SLC41A2: variants seen among roughly 807,000 people sequenced by gnomAD.
The protein encoded by SLC41A2 is SLC41A1-like 1.
A neutral mutation model predicts 58.3 loss-of-function variants in SLC41A2; 32 were observed. The ratio of observed to expected loss-of-function variants is 0.55; its 90% CI spans 0.41 to 0.74. The LOEUF (loss-of-function observed/expected upper bound fraction) is 0.74, where lower values mean the gene tolerates loss of function less well. Among genes scored for constraint, SLC41A2 ranks in the 30% least tolerant of loss-of-function variants. The pLI is 0.00. For missense variants in SLC41A2, 514 were observed against 680.6 expected (o/e 0.76, Z 2.72); for synonymous variants, 190 against 235.0 (o/e 0.81, Z 1.75).
chr12:104,918,292 CT>C (rs2046423901), intron 2 of SLC41A2, among the ~76,000 whole-genome samples: 1 of 152,014 alleles, frequency 6.6e-6, no homozygotes, highest in South Asian at 2.1e-4. Context: ...TTCTAGGAAT[CT>C]GACCTATAAA....
In SLC41A2 at chr12:104,893,448, G is replaced by A. The variant is rs578253409; in HGVS notation, c.735+1826C>T. Among the ~76,000 whole-genome samples the A allele has an allele frequency of 6.5e-4, 99 of 152,308 alleles. No individual in the cohort carries two copies. The South Asian group carries it at 0.014, about 21-fold the overall frequency. Reference sequence around the variant, plus strand: ...AAGCACTATGGGGAACAGTTCGGAAGTTCCTCAAAAAACTAAAAATACAGC... The same window carrying A: ...AAGCACTATGGGGAACAGTTCGGAAATTCCTCAAAAAACTAAAAATACAGC... On this transcript the variant is annotated intron_variant, in intron 4 of 10. Transcript: ENST00000258538.
intron 10 of SLC41A2, among the ~76,000 whole-genome samples, chr12:104,811,597 T>A (rs2041177041): frequency 1.3e-5 from 2 of 152,232 alleles, no homozygotes; most frequent in South Asian, 4.1e-4. Flanking sequence ...GATGCATTTT[T>A]ATTTATTTTG....
intron 10 of SLC41A2, among the ~76,000 whole-genome samples, chr12:104,810,689 G>T (rs1372031599): frequency 6.6e-6 from 1 of 152,124 alleles, no homozygotes; most frequent in Admixed American, 6.5e-5. Context: ...AAGTAGGTAG[G>T]TTTACTATTC....
At chr12:104,949,352 T>C (rs187657618) in intron 1 of SLC41A2, among the ~76,000 whole-genome samples, 1 of 152,238 alleles carries the variant, frequency 6.6e-6, no homozygotes, top group Admixed American at 6.5e-5. Flanking sequence ...GGAACACTTA[T>C]AACTTTAGTA....
chr12:104,835,452 G>T (rs184139552), intron 10 of SLC41A2, among the ~76,000 whole-genome samples: 231 of 152,214 alleles, frequency 1.5e-3, no homozygotes, highest in Middle Eastern at 0.01. Flanking sequence ...GGAAATTTCT[G>T]GCTGTTTTCC....
At chr12:104,811,790 A>G (rs1041848536) in intron 10 of SLC41A2, among the ~76,000 whole-genome samples, 1 of 152,230 alleles carries the variant, frequency 6.6e-6, no homozygotes, top group African/African-American at 2.4e-5. Context: ...GGGACACATG[A>G]GAAAAGAAGT....
At position 104,853,911 on chromosome 12, in the gene SLC41A2, ATTTTTT is replaced by A. The variant is rs1555202443; in HGVS notation, c.1255+7374_1255+7379del. On this transcript the variant is annotated intron_variant, in intron 8 of 10. Transcript: ENST00000258538. ...GGGTGCATGTCACCATGCCTGGCTG[ATTTTTT>A]TTTTTTTTTTTTTTTTTTTTTTAGT... Among the ~76,000 whole-genome samples the A allele has an allele frequency of 5.0e-5, 3 of 59,494 alleles. 1 individual carries two copies. The highest frequency in any genetic ancestry group is 6.9e-5 in the African/African-American group (1 of 14,456). The allele number at this position is 59,494 out of a possible 152,430, so 39.0% of individuals were successfully genotyped here.
intron 10 of SLC41A2, among the ~76,000 whole-genome samples, chr12:104,822,842 T>C (rs1329320248): frequency 6.6e-6 from 1 of 152,026 alleles, no homozygotes; most frequent in Non-Finnish European, 1.5e-5. Context: ...CTGAACTCCT[T>C]TGACATAAAA....
Position 104,886,301 on chromosome 12 carries a change from G to C in SLC41A2, c.1019C>G (p.Ser340Cys). 6.2e-7 allele frequency: 1 copy of C among 1,612,864 alleles called. No homozygotes were observed. Among genetic ancestry groups the C allele is most frequent in the Non-Finnish European group, 8.5e-7 (1 of 1,179,370 alleles). ...ILAWISQGLY[S>C]CLETYYYISP... ...GTTTTAAATCAACTTACCAAGACAGGAGTATAAGCCCTGACTTATCCAAGC... is the reference window on the plus strand; with the variant it reads ...GTTTTAAATCAACTTACCAAGACAGCAGTATAAGCCCTGACTTATCCAAGC... Residue 340 changes from serine to cysteine, a missense_variant, in exon 6 of 11, where the codon TCC becomes TGC. Around this residue, in one of 3 missense-constraint regions of SLC41A2, gnomAD observed 336 missense variants for 430.0 expected, o/e 0.78. Coordinates refer to ENST00000258538, the MANE Select transcript of SLC41A2 (RefSeq NM_001352171.3).
intron 1 of SLC41A2, among the ~76,000 whole-genome samples, chr12:104,948,577 A>G (rs2047823566): frequency 6.6e-6 from 1 of 152,190 alleles, no homozygotes; most frequent in South Asian, 2.1e-4. Flanking sequence ...GAGGTTAAAT[A>G]ATATGCCCAA....
intron 10 of SLC41A2, among the ~76,000 whole-genome samples, chr12:104,823,976 G>A (rs1447887187): frequency 6.6e-6 from 1 of 152,090 alleles, no homozygotes; most frequent in African/African-American, 2.4e-5. Context: ...CTTCACTATA[G>A]TAACCATTTT....
At chr12:104,869,685 G>T (rs1427486217) in intron 6 of SLC41A2, among the ~76,000 whole-genome samples, 1 of 152,110 alleles carries the variant, frequency 6.6e-6, no homozygotes, top group African/African-American at 2.4e-5. Context: ...TAATTCTATA[G>T]GACCCTCCTA....
At chr12:104,890,257 A>C (rs1565877648) in intron 4 of SLC41A2, among the ~76,000 whole-genome samples, 1 of 152,208 alleles carries the variant, frequency 6.6e-6, no homozygotes, top group Non-Finnish European at 1.5e-5. Flanking sequence ...CCTGGACTCC[A>C]GCCCCATGAT....
chr12:104,804,004 G>C lies in SLC41A2; in HGVS notation c.*1148C>G, dbSNP rs1019645117. On this transcript the variant is annotated 3_prime_UTR_variant, in exon 11 of 11. Transcript: ENST00000258538. Reference sequence around the variant, plus strand: ...AGTGTAGGTAACAAATTAGCTGGGCGTTGTGGCGCATTCCTGTAATCCCAG... The same window carrying C: ...AGTGTAGGTAACAAATTAGCTGGGCCTTGTGGCGCATTCCTGTAATCCCAG... 1 of 151,392 alleles carries C rather than the reference G, an allele frequency of 6.6e-6. No homozygotes were observed. Among genetic ancestry groups the C allele is most frequent in the Non-Finnish European group, 1.5e-5 (1 of 67,864 alleles). 9.4% of individuals were successfully genotyped at this position (151,392 alleles called of 1,614,324 possible). A position where few individuals can be genotyped will look rare whatever the true frequency, so the allele number is the denominator to read the frequency against.
At chr12:104,880,893 C>T (rs1005958653) in intron 6 of SLC41A2, among the ~76,000 whole-genome samples, 2 of 152,126 alleles carry the variant, frequency 1.3e-5, no homozygotes, top group African/African-American at 4.8e-5. Flanking sequence ...AGGAATGATA[C>T]CAGCTCCTCT....
At position 104,867,190 on chromosome 12, in the gene SLC41A2, T is replaced by C. The variant is rs375353151; in HGVS notation, c.1028-611A>G. ...TAGATATCCAAGCTCCAAAATGAAATAGAAAAACTAGGTTTGATTCTCAAT... is the reference window on the plus strand; with the variant it reads ...TAGATATCCAAGCTCCAAAATGAAACAGAAAAACTAGGTTTGATTCTCAAT... On this transcript the variant is annotated intron_variant, in intron 6 of 10. Transcript: ENST00000258538. 5.8e-4 allele frequency among the ~76,000 whole-genome samples: 88 copies of C among 152,204 alleles called. No homozygotes were observed. The East Asian group carries it at 0.012, about 21-fold the overall frequency.
At chr12:104,895,413 C>CAGAGA in intron 3 of SLC41A2, 68 bp from the exon 4 acceptor site, 3 of 1,100,396 alleles carry the variant, frequency 2.7e-6, no homozygotes, top group Non-Finnish European at 4.1e-6. Context: ...GTTCAAACAG[C>CAGAGA]ACATGAAATC....
intron 8 of SLC41A2, among the ~76,000 whole-genome samples, chr12:104,852,309 T>C (rs2042830902): frequency 6.6e-6 from 1 of 152,146 alleles, no homozygotes; most frequent in African/African-American, 2.4e-5. Flanking sequence ...GGGATTCTCT[T>C]GGGGGTAATG....
chr12:104,813,730 G>C (rs145934741), intron 10 of SLC41A2, among the ~76,000 whole-genome samples: 1 of 152,292 alleles, frequency 6.6e-6, no homozygotes, highest in East Asian at 1.9e-4. Context: ...CTGTTTCCCA[G>C]GTTCAAGTGA....
Sources: gnomAD v4.1 joint callset for allele counts (sites outside exome capture counted in the v4.1 genomes callset) on GRCh38, gnomAD v4.1.1 for gene constraint, gnomAD v4.1.1 regional missense constraint, MANE v1.5 for transcripts, NCBI Gene and HGNC (gene_info 2026-07-23, HGNC 2026-07-21) for gene names.